The following NLRP8 variants were observed in gnomAD, a reference collection of about 807,000 sequenced individuals.
NLRP8 encodes NLR family pyrin domain containing 8.
In NLRP8, 86 loss-of-function variants were observed where a neutral mutation model predicts 88.7. The observed-to-expected ratio is 0.97, with a 90% CI of 0.81 to 1.16. The LOEUF is 1.16. NLRP8 is among the 50% of genes most tolerant of loss of function. NLRP8 has a pLI of 0.00. For missense variants in NLRP8, 1,342 were observed against 1,286.5 expected (o/e 1.04, Z -0.66); for synonymous variants, 504 against 494.6 (o/e 1.02, Z -0.25).
At chr19:55,981,131 G>A (rs971032978) in intron 9 of NLRP8, among the ~76,000 whole-genome samples, 1 of 152,132 alleles carries the variant, frequency 6.6e-6, no homozygotes, top group Non-Finnish European at 1.5e-5. Flanking sequence ...GAGACTTCCT[G>A]AAGATAATAC....
chr19:55,956,087 C>T lies in NLRP8; in HGVS notation c.2029C>T (p.His677Tyr), dbSNP rs771417298. 8 of 1,612,080 alleles carry T rather than the reference C, an allele frequency of 5.0e-6. No individual in the cohort carries two copies. In the South Asian group the frequency reaches 8.8e-5, roughly 18 times the overall value. ...CGTGTGGAAGCTCAGCTCCAGCTCCCATCCTGGCTCTGAGTAAGTGCTTCG... is the reference window on the plus strand; with the variant it reads ...CGTGTGGAAGCTCAGCTCCAGCTCCTATCCTGGCTCTGAGTAAGTGCTTCG... Residue 677 changes from histidine to tyrosine, a missense_variant, in exon 3 of 10, where the codon CAT becomes TAT. His to Tyr is a moderately conservative substitution (Grantham distance 83). Transcript: ENST00000291971.
intron 3 of NLRP8, among the ~76,000 whole-genome samples, chr19:55,958,695 T>C (rs367471): frequency 0.58 from 88,858 of 152,000 alleles, 26,149 homozygotes; most frequent in East Asian, 0.75. Context: ...ACCCCTGCTC[T>C]AGCATATATT....
intron 3 of NLRP8, 106 bp from the exon 4 acceptor site, chr19:55,961,961 A>C: frequency 9.7e-7 from 1 of 1,032,960 alleles, no homozygotes; most frequent in South Asian, 1.7e-5. Flanking sequence ...GAGTCACTAG[A>C]GGCCTATGGC....
intron 2 of NLRP8, 44 bp downstream of exon 2, chr19:55,952,656 A>G (rs1420177187): frequency 1.3e-6 from 2 of 1,489,608 alleles, no homozygotes; most frequent in South Asian, 1.1e-5. Context: ...AAAATGGGCT[A>G]TGGACTGGGA....
intron 3 of NLRP8, among the ~76,000 whole-genome samples, chr19:55,959,569 C>T (rs180727275): frequency 9.8e-5 from 15 of 152,290 alleles, no homozygotes; most frequent in African/African-American, 3.6e-4. Context: ...CATCACATCT[C>T]TAACTTTATC....
At chr19:55,979,668 C>G (rs1328882564) in intron 9 of NLRP8, 104 bp downstream of exon 9, 1 of 1,273,482 alleles carries the variant, frequency 7.9e-7, no homozygotes, top group East Asian at 2.4e-5. Context: ...CCTGTAATCC[C>G]AGCACTTTGG....
chr19:55,966,168 C>G (rs1199458668), intron 4 of NLRP8, 45 bp from the exon 5 acceptor site: 11 of 1,589,646 alleles, frequency 6.9e-6, no homozygotes, highest in Non-Finnish European at 9.5e-6. Flanking sequence ...AATTCTACGA[C>G]TGTGGACGGG....
At position 55,979,457 on chromosome 19, in the gene NLRP8, C is replaced by A. The variant is rs1242628157; in HGVS notation, c.2940C>A (p.Asn980Lys). 3 of 1,614,244 alleles carry A rather than the reference C, an allele frequency of 1.9e-6. No homozygotes were observed. The highest frequency in any genetic ancestry group is 1.7e-5 in the Admixed American group (1 of 60,032). Residue 980 changes from asparagine (N) to lysine (K), a missense_variant, in exon 9 of 10, where the codon AAC (asparagine) becomes AAA (lysine). Coordinates refer to ENST00000291971, the MANE Select transcript of NLRP8 (RefSeq NM_176811.2). ...CCATGGCTTCCATGCTCCGCAAAAA[C>A]CAACATCTGAGACATCTGGACTTGA... is the stretch of plus-strand genomic sequence containing the variant.
At chr19:55,956,245 G>T in intron 3 of NLRP8, 145 bp downstream of exon 3, 1 of 850,176 alleles carries the variant, frequency 1.2e-6, no homozygotes. Context: ...GCTTTGTTTT[G>T]TTTTGTTTTG....
intron 1 of NLRP8, among the ~76,000 whole-genome samples, chr19:55,950,206 T>A (rs765628020): frequency 7.5e-5 from 11 of 146,046 alleles, no homozygotes; most frequent in Non-Finnish European, 1.4e-4. Flanking sequence ...AGGTCAGGAG[T>A]TCAAGACCAG....
rs926520501 is a variant in NLRP8 at position 55,951,371 on chromosome 19, G to A, written c.368-1167G>A. On this transcript the variant is annotated intron_variant, in intron 1 of 9. Coordinates refer to ENST00000291971, the MANE Select transcript of NLRP8 (RefSeq NM_176811.2). ...AACCAGAGACTAGCAGGAAACAAAC[G>A]TTGTGTTTTCCTGGGGGCAATGGTT... Among the ~76,000 whole-genome samples, 4 of 152,310 alleles carry A rather than the reference G, an allele frequency of 2.6e-5. No homozygotes were observed. The East Asian group carries it at 7.7e-4, about 29-fold the overall frequency.
chr19:55,953,250 C>T (rs1015150042), intron 2 of NLRP8, among the ~76,000 whole-genome samples: 4 of 152,102 alleles, frequency 2.6e-5, no homozygotes, highest in Non-Finnish European at 5.9e-5. Context: ...CTCCCATCAC[C>T]CCTGGATGGG....
chr19:55,965,231 A>G (rs1251065911), intron 4 of NLRP8, among the ~76,000 whole-genome samples: 2 of 152,154 alleles, frequency 1.3e-5, no homozygotes, highest in East Asian at 1.9e-4. Context: ...CAGGCAGATG[A>G]CTTGAGGTCA....
intron 9 of NLRP8, among the ~76,000 whole-genome samples, chr19:55,982,091 A>G (rs567542483): frequency 6.6e-6 from 1 of 152,188 alleles, no homozygotes; most frequent in South Asian, 2.1e-4. Context: ...TTTAGCAGAG[A>G]CAGGGTTTCA....
At chr19:55,963,868 A>G (rs992603843) in intron 4 of NLRP8, among the ~76,000 whole-genome samples, 2 of 152,064 alleles carry the variant, frequency 1.3e-5, no homozygotes, top group Admixed American at 1.3e-4. Flanking sequence ...ATTTTTTATA[A>G]TGTAAGAGTG....
intron 9 of NLRP8, among the ~76,000 whole-genome samples, chr19:55,983,957 ATTG>A (rs1980687705): frequency 6.6e-6 from 1 of 152,046 alleles, no homozygotes; most frequent in African/African-American, 2.4e-5. Context: ...TAACATGCTT[ATTG>A]TTAATTTAAT....
chr19:55,974,571 C>G (rs1980223176), intron 7 of NLRP8, among the ~76,000 whole-genome samples: 1 of 151,796 alleles, frequency 6.6e-6, no homozygotes, highest in Admixed American at 6.6e-5. Flanking sequence ...CCCGTCTCTA[C>G]TAAAAATACA....
chr19:55,973,911 A>G (rs1025105140), intron 7 of NLRP8, 89 bp downstream of exon 7: 38 of 1,327,486 alleles, frequency 2.9e-5, no homozygotes, highest in Non-Finnish European at 3.2e-5. Flanking sequence ...TATGTCACAT[A>G]TTTATTAAGT....
intron 7 of NLRP8, among the ~76,000 whole-genome samples, chr19:55,974,815 C>T (rs1408414206): frequency 2.0e-5 from 3 of 151,792 alleles, no homozygotes; most frequent in Non-Finnish European, 2.9e-5. Flanking sequence ...GGCAGTTACC[C>T]GAGAGACTTT....
Sources: allele counts gnomAD v4.1 joint callset (sites outside exome capture counted in the v4.1 genomes callset), GRCh38; gene constraint gnomAD v4.1.1; transcripts MANE v1.5; gene names NCBI Gene and HGNC (gene_info 2026-07-23, HGNC 2026-07-21).